SLC24A2: variants seen among roughly 807,000 people sequenced by gnomAD.
SLC24A2 encodes the protein sodium/potassium/calcium exchanger 2.
In SLC24A2, 36 loss-of-function variants were observed where a neutral mutation model predicts 62.0. The ratio of observed to expected loss-of-function variants is 0.58; its 90% CI spans 0.44 to 0.77. The LOEUF (loss-of-function observed/expected upper bound fraction) is 0.77. Ranked by LOEUF, SLC24A2 falls within the 30% of genes least tolerant of loss-of-function variation. The pLI is 0.00. For missense variants in SLC24A2, 846 were observed against 817.9 expected, an observed-to-expected ratio of 1.03 and a Z score of -0.42; for synonymous variants, 358 against 294.0, an observed-to-expected ratio of 1.22 and a Z score of -2.23.
chr9:19,770,192 T>C lies in SLC24A2; in HGVS notation c.930+15745A>G, dbSNP rs572979389. On this transcript the variant is annotated intron_variant, in intron 2 of 10. Coordinates refer to ENST00000341998, the MANE Select transcript of SLC24A2 (RefSeq NM_020344.4). ...TGCAGAGTCTCAAGAAGTTGCTGTA[T>C]GACTAAGTGCCTGGAATTTAGAGCA... Among the ~76,000 whole-genome samples the C allele has an allele frequency of 1.3e-4, 20 of 152,064 alleles. No homozygotes were observed. In the East Asian group the frequency reaches 3.7e-3, roughly 28 times the overall value.
intron 2 of SLC24A2, among the ~76,000 whole-genome samples, chr9:19,664,475 G>T (rs1468676875): frequency 2.6e-5 from 4 of 152,216 alleles, no homozygotes; most frequent in African/African-American, 9.6e-5. Context: ...TAGCATTCCT[G>T]TTGTATAAAT....
intron 2 of SLC24A2, among the ~76,000 whole-genome samples, chr9:19,652,446 G>A (rs1405952936): frequency 6.6e-6 from 1 of 152,006 alleles, no homozygotes; most frequent in Non-Finnish European, 1.5e-5. Context: ...TCATAAGAGG[G>A]AGGCAATGGA....
the SLC24A2 span, among the ~76,000 whole-genome samples, chr9:20,036,995 A>G: frequency 6.6e-6 from 1 of 152,040 alleles, no homozygotes; most frequent in African/African-American, 2.4e-5. Flanking sequence ...ACCCAGGTTC[A>G]AGAGATTCTC....
chr9:20,230,616 G>A, the SLC24A2 span, among the ~76,000 whole-genome samples: 1 of 152,062 alleles, frequency 6.6e-6, no homozygotes, highest in African/African-American at 2.4e-5. Context: ...TGAGTTCATT[G>A]TAGATTCTGG....
intron 2 of SLC24A2, among the ~76,000 whole-genome samples, chr9:19,679,832 C>A (rs984634483): frequency 6.9e-6 from 1 of 145,578 alleles, no homozygotes; most frequent in Non-Finnish European, 1.5e-5. Context: ...AATCTCCTCA[C>A]ATATACTGTG....
At chr9:19,519,349 T>TTGTGTGTGTGTGTGTGTG (rs10640008) in intron 10 of SLC24A2, among the ~76,000 whole-genome samples, 158 of 147,680 alleles carry the variant, frequency 1.1e-3, no homozygotes, top group African/African-American at 3.8e-3. Context: ...TTAAACTTCC[T>TTGTGTGTGTGTGTGTGTG]TGTGTGTGTG....
the SLC24A2 span, among the ~76,000 whole-genome samples, chr9:20,004,856 G>A: frequency 6.6e-6 from 1 of 151,524 alleles, no homozygotes; most frequent in East Asian, 1.9e-4. Context: ...AACCTGAGTT[G>A]ATGTAAAGAG....
chr9:20,240,521 G>C, the SLC24A2 span, among the ~76,000 whole-genome samples: 1 of 152,194 alleles, frequency 6.6e-6, no homozygotes, highest in African/African-American at 2.4e-5. Flanking sequence ...GTAAGAAGTA[G>C]GGGGTGAAGG....
the SLC24A2 span, among the ~76,000 whole-genome samples, chr9:20,227,009 T>C: frequency 2.6e-5 from 4 of 152,178 alleles, no homozygotes; most frequent in African/African-American, 9.6e-5. Context: ...CCCAAATCCT[T>C]TCTAAGGGAT....
chr9:19,979,614 ATC>A, the SLC24A2 span, among the ~76,000 whole-genome samples: 100 of 152,282 alleles, frequency 6.6e-4, no homozygotes, highest in Non-Finnish European at 8.7e-4. Flanking sequence ...ATTCTCTAGC[ATC>A]GATCTCTACA....
chr9:19,789,533 G>A (rs1318690609), upstream of SLC24A2, among the ~76,000 whole-genome samples: 2 of 152,340 alleles, frequency 1.3e-5, no homozygotes, highest in East Asian at 3.9e-4. Flanking sequence ...CTTCAGTCTT[G>A]CAGGGTGACC....
At chr9:19,652,013 CAGGA>C (rs1386613481) in intron 2 of SLC24A2, among the ~76,000 whole-genome samples, 2 of 152,194 alleles carry the variant, frequency 1.3e-5, no homozygotes, top group Non-Finnish European at 2.9e-5. Flanking sequence ...TGCTCGATTA[CAGGA>C]GATACCCACA....
the SLC24A2 span, among the ~76,000 whole-genome samples, chr9:20,109,201 C>T: frequency 5.3e-5 from 8 of 152,190 alleles, no homozygotes; most frequent in South Asian, 1.7e-3. Flanking sequence ...CAAAAAAGTC[C>T]CACATTTCTC....
chr9:20,280,163 G>A, the SLC24A2 span, among the ~76,000 whole-genome samples: 1 of 152,184 alleles, frequency 6.6e-6, no homozygotes, highest in Non-Finnish European at 1.5e-5. Context: ...GGGAGAAAGG[G>A]AGCAAAAAAG....
the SLC24A2 span, among the ~76,000 whole-genome samples, chr9:20,265,699 C>G: frequency 9.9e-5 from 15 of 152,242 alleles, no homozygotes; most frequent in Non-Finnish European, 1.8e-4. Flanking sequence ...AACAGGGTAA[C>G]AGCAATGTTC....
intron 2 of SLC24A2, among the ~76,000 whole-genome samples, chr9:19,735,199 T>C (rs553702420): frequency 1.9e-4 from 29 of 151,532 alleles, no homozygotes; most frequent in African/African-American, 7.0e-4. Context: ...GGGCAAAGTA[T>C]ATGAACAGAC....
the SLC24A2 span, among the ~76,000 whole-genome samples, chr9:19,832,084 C>T: frequency 2.0e-5 from 3 of 152,222 alleles, no homozygotes; most frequent in Non-Finnish European, 2.9e-5. Context: ...ACTCTCTCAC[C>T]CAGGCATTTC....
chr9:19,993,956 C>T, the SLC24A2 span, among the ~76,000 whole-genome samples: 1 of 152,124 alleles, frequency 6.6e-6, no homozygotes, highest in Non-Finnish European at 1.5e-5. Flanking sequence ...AGCATCCTTC[C>T]ATCATTATCT....
At chr9:19,897,301 G>GT in the SLC24A2 span, among the ~76,000 whole-genome samples, 5 of 151,882 alleles carry the variant, frequency 3.3e-5, no homozygotes, top group Middle Eastern at 6.8e-3. Context: ...AGTTCAACAT[G>GT]TTGTTTTTCA....
Sources: gnomAD v4.1 joint callset for allele counts (sites outside exome capture counted in the v4.1 genomes callset) on GRCh38, gnomAD v4.1.1 for gene constraint, MANE v1.5 for transcripts, NCBI Gene and HGNC (gene_info 2026-07-23, HGNC 2026-07-21) for gene names.